Variants in STUM observed in about 807,000 individuals in gnomAD.
The protein encoded by STUM is protein stum homolog.
A neutral mutation model predicts 15.3 loss-of-function variants in STUM; 8 were observed. The observed-to-expected ratio is 0.52, with a 90% CI of 0.31 to 0.94. The LOEUF is 0.94. Among genes scored for constraint, STUM ranks in the 40% least tolerant of loss-of-function variants. The pLI is 0.05. For synonymous variants in STUM, 78 were observed against 88.7 expected (o/e 0.88, Z 0.68); for missense variants, 142 against 204.9 (o/e 0.69, Z 1.87).
chr1:226,550,895 C>T (rs971738015), intron 1 of STUM, among the ~76,000 whole-genome samples: 14 of 152,152 alleles, frequency 9.2e-5, no homozygotes, highest in Non-Finnish European at 1.8e-4. Flanking sequence ...CCAGCTTTTC[C>T]CTTTGTGAGA....
At position 226,600,543 on chromosome 1, in the gene STUM, C is replaced by T; in HGVS notation, c.383-123C>T. ...ATGGCCCCTGTCCCATCTCCCAGGC[C>T]TCACCATGGATCTGCTTTGTTTCCT... On this transcript the variant is annotated intron_variant, in intron 2 of 3. Coordinates refer to ENST00000366788, the MANE Select transcript of STUM (RefSeq NM_001003665.4). The surrounding 1 kb of genome is among the most constrained non-coding windows in gnomAD (Gnocchi z 5.2). 2 of 1,220,098 alleles carry T rather than the reference C, an allele frequency of 1.6e-6. No individual in the cohort carries two copies. Among genetic ancestry groups the T allele is most frequent in the South Asian group, 2.5e-5 (2 of 81,044 alleles). The allele number at this position is 1,220,098 out of a possible 1,614,324, so 75.6% of individuals were successfully genotyped here.
rs1571815156 is a variant in STUM at position 226,600,153 on chromosome 1, G to A, written c.383-513G>A. Among the ~76,000 whole-genome samples the A allele has an allele frequency of 6.6e-6, 1 of 151,948 alleles. No homozygotes were observed. Among genetic ancestry groups the A allele is most frequent in the Non-Finnish European group, 1.5e-5 (1 of 67,978 alleles). ...CATGAGCTGAGGATGAAAAAAAAAA[G>A]GCTAGGTGCTGTGGCTCATGCCTGT... On this transcript the variant is annotated intron_variant, in intron 2 of 3. Transcript: ENST00000366788. The surrounding 1 kb of genome is among the most constrained non-coding windows in gnomAD (Gnocchi z 5.2).
At chr1:226,563,886 A>T (rs956953429) in intron 1 of STUM, among the ~76,000 whole-genome samples, 3 of 152,264 alleles carry the variant, frequency 2.0e-5, no homozygotes, top group Admixed American at 6.5e-5. Flanking sequence ...AAGGGAAAAA[A>T]GTAAACATTA....
chr1:226,560,674 T>C lies in STUM; in HGVS notation c.202+11568T>C, dbSNP rs118077590. ...GCATTGGTTTCAGAAGTGTCACTCT[T>C]AGGCCAAGCTGCAGAAGGGAGCGCC... On this transcript the variant is annotated intron_variant, in intron 1 of 3. Transcript: ENST00000366788. Among the ~76,000 whole-genome samples the C allele has an allele frequency of 9.9e-5, 15 of 152,284 alleles. 1 individual carries two copies. In the East Asian group the frequency reaches 1.5e-3, roughly 16 times the overall value.
At chr1:226,562,195 G>T (rs1256268199) in intron 1 of STUM, among the ~76,000 whole-genome samples, 1 of 152,132 alleles carries the variant, frequency 6.6e-6, no homozygotes. Context: ...CTGGCCTGGT[G>T]CAGTGGCTCA....
At chr1:226,578,529 C>T (rs965512853) in intron 1 of STUM, among the ~76,000 whole-genome samples, 1 of 151,194 alleles carries the variant, frequency 6.6e-6, no homozygotes. Flanking sequence ...CCATGCCTGG[C>T]TAATTTTTAA....
chr1:226,563,998 G>A lies in STUM; in HGVS notation c.202+14892G>A, dbSNP rs557283933. 5.9e-5 allele frequency among the ~76,000 whole-genome samples: 9 copies of A among 152,286 alleles called. 1 individual carries two copies. In the South Asian group the frequency reaches 1.2e-3, roughly 21 times the overall value. The stretch of plus-strand genomic sequence containing the variant: ...CAGGTCAGGCTTGGCCAAAAGGCTC[G>A]GGTGGTCTTGCGTCCGACTGCCCAT... On this transcript the variant is annotated intron_variant, in intron 1 of 3. Coordinates refer to ENST00000366788, the MANE Select transcript of STUM (RefSeq NM_001003665.4).
At position 226,601,997 on chromosome 1, in the gene STUM, T is replaced by C. The variant is rs1384938683; in HGVS notation, c.392-9T>C. On this transcript the variant is annotated splice_polypyrimidine_tract_variant and intron_variant, in intron 3 of 3. Coordinates refer to ENST00000366788, the MANE Select transcript of STUM (RefSeq NM_001003665.4). ...GTCTAACCATCTCTCCTTTGCTTCTTCCTCACAGGCTACAAGGAGCAGGGC... is the reference window on the plus strand; with the variant it reads ...GTCTAACCATCTCTCCTTTGCTTCTCCCTCACAGGCTACAAGGAGCAGGGC... The C allele has an allele frequency of 3.7e-6, 6 of 1,610,004 alleles. No individual in the cohort carries two copies. The highest frequency in any genetic ancestry group is 1.3e-5 in the African/African-American group (1 of 74,920).
intron 2 of STUM, among the ~76,000 whole-genome samples, chr1:226,599,210 A>C (rs1668228064): frequency 6.6e-6 from 1 of 152,140 alleles, no homozygotes; most frequent in African/African-American, 2.4e-5. Context: ...CAGCCAAACC[A>C]TATCAGGGGG....
chr1:226,584,560 G>A (rs1456148040), intron 1 of STUM, among the ~76,000 whole-genome samples: 2 of 152,196 alleles, frequency 1.3e-5, no homozygotes, highest in African/African-American at 4.8e-5. Flanking sequence ...ATAAGCCTCA[G>A]AGTCTGGCCT....
intron 1 of STUM, among the ~76,000 whole-genome samples, chr1:226,562,816 A>G (rs899722728): frequency 2.0e-5 from 3 of 152,380 alleles, no homozygotes; most frequent in Non-Finnish European, 4.4e-5. Context: ...TCACAATAGG[A>G]CATTATTGAG....
At chr1:226,598,444 T>G (rs774183724) in intron 2 of STUM, among the ~76,000 whole-genome samples, 4 of 152,212 alleles carry the variant, frequency 2.6e-5, no homozygotes, top group Middle Eastern at 3.2e-3. Flanking sequence ...CATGACTGTG[T>G]CACAGGGTAG....
At chr1:226,594,899 G>A (rs1200265077) in intron 1 of STUM, among the ~76,000 whole-genome samples, 1 of 152,156 alleles carries the variant, frequency 6.6e-6, no homozygotes, top group Non-Finnish European at 1.5e-5. Context: ...CAGGCGATCT[G>A]CCCGCCTCGG....
chr1:226,590,659 G>A (rs1668070455), intron 1 of STUM, among the ~76,000 whole-genome samples: 1 of 152,096 alleles, frequency 6.6e-6, no homozygotes, highest in Admixed American at 6.6e-5. Flanking sequence ...CAATCAGTGG[G>A]CATTTTAATC....
intron 1 of STUM, among the ~76,000 whole-genome samples, chr1:226,557,013 T>C (rs1213791362): frequency 6.6e-6 from 1 of 152,194 alleles, no homozygotes; most frequent in East Asian, 1.9e-4. Context: ...CTTAGCAACT[T>C]TGAAATGTAC....
At chr1:226,551,654 C>T (rs544943777) in intron 1 of STUM, among the ~76,000 whole-genome samples, 2 of 152,256 alleles carry the variant, frequency 1.3e-5, no homozygotes, top group Non-Finnish European at 2.9e-5. Flanking sequence ...TTTCAATTCA[C>T]TCATTCATTT....
At position 226,565,728 on chromosome 1, in the gene STUM, G is replaced by A. The variant is rs917305518; in HGVS notation, c.202+16622G>A. 3.9e-5 allele frequency among the ~76,000 whole-genome samples: 6 copies of A among 152,064 alleles called. No individual in the cohort carries two copies. The highest frequency in any genetic ancestry group is 8.8e-5 in the Non-Finnish European group (6 of 67,998). On this transcript the variant is annotated intron_variant, in intron 1 of 3. Coordinates refer to ENST00000366788, the MANE Select transcript of STUM (RefSeq NM_001003665.4). The surrounding 1 kb of genome is among the most constrained non-coding windows in gnomAD (Gnocchi z 4.4). The stretch of plus-strand genomic sequence containing the variant: ...CATACCCCCCATCCTCCCGTCTCTC[G>A]CCCACGCTTGGCTCAGAGATCTCTG...
In STUM at chr1:226,583,424, G is replaced by A. The variant is rs184593491; in HGVS notation, c.203-13378G>A. Among the ~76,000 whole-genome samples the A allele has an allele frequency of 2.2e-3, 328 of 152,258 alleles. 1 individual carries two copies. Among genetic ancestry groups the A allele is most frequent in the Non-Finnish European group, 2.8e-3 (193 of 68,022 alleles). On this transcript the variant is annotated intron_variant, in intron 1 of 3. Transcript: ENST00000366788. Reference sequence around the variant, plus strand: ...AAATGCTAACTTCTAATGAGTGCTCGGTGCATTACAGATTGATTATAATGA... The same window carrying A: ...AAATGCTAACTTCTAATGAGTGCTCAGTGCATTACAGATTGATTATAATGA...
chr1:226,580,369 T>C (rs186229594), intron 1 of STUM, among the ~76,000 whole-genome samples: 106 of 152,100 alleles, frequency 7.0e-4, no homozygotes, highest in African/African-American at 2.3e-3. Context: ...AGAGGCAAGG[T>C]CTGTGCTGGA....
Sources: gnomAD v4.1 joint callset for allele counts (sites outside exome capture counted in the v4.1 genomes callset) on GRCh38, gnomAD v4.1.1 for gene constraint, Gnocchi (gnomAD v3.1) non-coding constraint, MANE v1.5 for transcripts, NCBI Gene and HGNC (gene_info 2026-07-23, HGNC 2026-07-21) for gene names.